Variants in BCL11B observed in about 807,000 individuals in gnomAD.
BCL11B encodes the protein B-cell lymphoma/leukemia 11B.
In BCL11B, 8 loss-of-function variants were observed where a neutral mutation model predicts 49.9. The ratio of observed to expected loss-of-function variants is 0.16; its 90% CI spans 0.09 to 0.29. The LOEUF is 0.29. Among genes scored for constraint, BCL11B ranks in the 10% least tolerant of loss-of-function variants. BCL11B has a pLI of 1.00. For missense variants in BCL11B, 1,006 were observed against 1,351.0 expected, an observed-to-expected ratio of 0.74 and a Z score of 4.00; for synonymous variants, 739 against 637.4, an observed-to-expected ratio of 1.16 and a Z score of -2.40.
chr14:99,255,929 G>T (rs1177068784), intron 2 of BCL11B, among the ~76,000 whole-genome samples: 1 of 152,222 alleles, frequency 6.6e-6, no homozygotes, highest in Non-Finnish European at 1.5e-5. Flanking sequence ...AGAAGGCAAG[G>T]CCCAGAGGCC....
intron 3 of BCL11B, among the ~76,000 whole-genome samples, chr14:99,210,084 T>C (rs1315553347): frequency 2.0e-5 from 3 of 152,038 alleles, no homozygotes; most frequent in African/African-American, 4.8e-5. Context: ...GGCAGCACGA[T>C]TGATTAGCAG....
intron 1 of BCL11B, among the ~76,000 whole-genome samples, chr14:99,259,332 A>G (rs1425098938): frequency 1.3e-5 from 2 of 152,180 alleles, no homozygotes; most frequent in Non-Finnish European, 2.9e-5. Context: ...TAAGGAAAAA[A>G]TTCTGTGGCA....
At position 99,175,230 on chromosome 14, in the gene BCL11B, C is replaced by T. The variant is rs1357267028; in HGVS notation, c.1606G>A (p.Glu536Lys). 1 of 1,549,802 alleles carries T rather than the reference C, an allele frequency of 6.5e-7. No homozygotes were observed. The highest frequency in any genetic ancestry group is 8.7e-7 in the Non-Finnish European group (1 of 1,150,456). Residue 536 changes from glutamate to lysine, a missense_variant, in exon 4 of 4, where the codon GAG becomes AAG. Glu to Lys is a moderately conservative substitution (Grantham distance 56). Coordinates refer to ENST00000357195, the MANE Select transcript of BCL11B (RefSeq NM_138576.4). ...AGCTCCTCCTCCTCCTCCTCCTCCT[C>T]CTCGTCCTCCTCCTCCGGCTCGTGG... ...LGHEPEEEDE[E>K]EEEEEEELLL...
chr14:99,219,464 G>C (rs1036940296), intron 3 of BCL11B, among the ~76,000 whole-genome samples: 1 of 152,088 alleles, frequency 6.6e-6, no homozygotes, highest in South Asian at 2.1e-4. Context: ...TTACCATCCC[G>C]ATATACAAAG....
intron 3 of BCL11B, among the ~76,000 whole-genome samples, chr14:99,226,481 G>A (rs1350517135): frequency 6.6e-6 from 1 of 152,196 alleles, no homozygotes; most frequent in Non-Finnish European, 1.5e-5. Context: ...GGGGCCTGGT[G>A]AGGCTACCAT....
In BCL11B at chr14:99,271,158, T is replaced by C; in HGVS notation, c.58+3A>G. The C allele has an allele frequency of 6.4e-7, 1 of 1,553,150 alleles. No homozygotes were observed. The highest frequency in any genetic ancestry group is 8.7e-7 in the Non-Finnish European group (1 of 1,155,438). On this transcript the variant is annotated splice_donor_region_variant and intron_variant, in intron 1 of 3. Transcript: ENST00000357195. The stretch of plus-strand genomic sequence containing the variant: ...CCCTCGCGCGCACTCCGCAGACACT[T>C]ACGGGTGATGAGCTCCCTCTGGGAC...
chr14:99,260,662 T>G lies in BCL11B; in HGVS notation c.59-2823A>C, dbSNP rs74685308. Among the ~76,000 whole-genome samples, 626 of 152,288 alleles carry G rather than the reference T, an allele frequency of 4.1e-3. 2 individuals carry two copies. Among genetic ancestry groups the G allele is most frequent in the Non-Finnish European group, 6.8e-3 (462 of 68,034 alleles). ...TTTCTCTCCTCTTTTTTTTATTTTTTTATTTTTGGTAACATCTGGTATTCT... is the reference window on the plus strand; with the variant it reads ...TTTCTCTCCTCTTTTTTTTATTTTTGTATTTTTGGTAACATCTGGTATTCT... On this transcript the variant is annotated intron_variant, in intron 1 of 3. Coordinates refer to ENST00000357195, the MANE Select transcript of BCL11B (RefSeq NM_138576.4).
chr14:99,246,321 C>T (rs1214711165), intron 2 of BCL11B, among the ~76,000 whole-genome samples: 2 of 152,230 alleles, frequency 1.3e-5, no homozygotes, highest in Non-Finnish European at 2.9e-5. Flanking sequence ...GGACCTTGAG[C>T]CCTCTCGGCC....
At chr14:99,182,177 G>A (rs1165129196) in intron 3 of BCL11B, among the ~76,000 whole-genome samples, 1 of 152,198 alleles carries the variant, frequency 6.6e-6, no homozygotes, top group African/African-American at 2.4e-5. Context: ...AACACTCACA[G>A]TGGTAACAAG....
intron 3 of BCL11B, among the ~76,000 whole-genome samples, chr14:99,178,794 TC>T (rs1300941216): frequency 5.9e-5 from 9 of 152,210 alleles, no homozygotes; most frequent in Non-Finnish European, 1.2e-4. Flanking sequence ...TAAAGATCGT[TC>T]CTGTACCCTG....
Position 99,257,324 on chromosome 14 carries a change from A to G in BCL11B, c.427+147T>C. Reference sequence around the variant, plus strand: ...CTCCTGAAGGTCACCTGGATGGTGGACCCTCAGAAAGGGGGAGCCCCGGCT... The same window carrying G: ...CTCCTGAAGGTCACCTGGATGGTGGGCCCTCAGAAAGGGGGAGCCCCGGCT... On this transcript the variant is annotated intron_variant, in intron 2 of 3. Transcript: ENST00000357195. This position sits in a 1 kb window ranked among gnomAD's most constrained non-coding sequence, Gnocchi z 6.2. 9.1e-7 allele frequency: 1 copy of G among 1,099,240 alleles called. No homozygotes were observed. The highest frequency in any genetic ancestry group is 1.2e-6 in the Non-Finnish European group (1 of 800,640). The allele number at this position is 1,099,240 out of a possible 1,614,324, so 68.1% of individuals were successfully genotyped here.
rs752989424 is a variant in BCL11B, at chr14:99,231,332, C to T, written c.640+13G>A. The T allele has an allele frequency of 6.2e-6, 10 of 1,607,902 alleles. No individual in the cohort carries two copies. The highest frequency in any genetic ancestry group is 2.2e-5 in the South Asian group (2 of 90,442). On this transcript the variant is annotated intron_variant, in intron 3 of 3. Coordinates refer to ENST00000357195, the MANE Select transcript of BCL11B (RefSeq NM_138576.4). This position sits in a 1 kb window ranked among gnomAD's most constrained non-coding sequence, Gnocchi z 8.1. ...CCCGGGGGCCCGCCCCCCACCGCGG[C>T]GTCGTCTGTTACCTGACAACTGACA... is the stretch of plus-strand genomic sequence containing the variant.
chr14:99,187,039 G>A (rs144706639), intron 3 of BCL11B, among the ~76,000 whole-genome samples: 6 of 152,214 alleles, frequency 3.9e-5, no homozygotes, highest in East Asian at 1.9e-4. Flanking sequence ...CCAGGCTGTC[G>A]GTGGAACAGG....
chr14:99,233,947 G>C (rs575796772), intron 2 of BCL11B, among the ~76,000 whole-genome samples: 3 of 152,188 alleles, frequency 2.0e-5, no homozygotes, highest in African/African-American at 7.2e-5. Context: ...GGGGCTCCCA[G>C]AGCACCTTCT....
rs757631918 is a variant in BCL11B at position 99,257,604 on chromosome 14, C to T, written c.294G>A (p.Pro98=). ...TGAGCTCGGAGCGTGAGGAGGGTGG[C>T]GGGCTGTCCTTGTCCAGGGCCTTGT... ...CYDKALDKDS[P]PPSSRSELRK... Residue 98 remains proline, a synonymous_variant, in exon 2 of 4, where the codon CCG becomes CCA. Transcript: ENST00000357195. The surrounding 1 kb of genome is among the most constrained non-coding windows in gnomAD (Gnocchi z 6.2). 18 of 1,613,938 alleles carry T rather than the reference C, an allele frequency of 1.1e-5. No homozygotes were observed. Among genetic ancestry groups the T allele is most frequent in the African/African-American group, 2.7e-5 (2 of 74,912 alleles).
intron 3 of BCL11B, among the ~76,000 whole-genome samples, chr14:99,208,379 G>GC (rs1375823858): frequency 1.3e-5 from 2 of 152,170 alleles, no homozygotes; most frequent in African/African-American, 2.4e-5. Flanking sequence ...ACAGAGGCCA[G>GC]CATCTTGGAG....
At chr14:99,224,654 G>T (rs1232085694) in intron 3 of BCL11B, among the ~76,000 whole-genome samples, 1 of 152,168 alleles carries the variant, frequency 6.6e-6, no homozygotes, top group African/African-American at 2.4e-5. Context: ...CTGGTCATGG[G>T]CTGTGGCCAC....
Position 99,172,609 on chromosome 14 carries a change from T to C in BCL11B, c.*1542A>G. ...CTGTCCTATAAATTATTATTTTATT[T>C]TGTTCTTTATAGTGCCAGTATTGTG... On this transcript the variant is annotated 3_prime_UTR_variant, in exon 4 of 4. Transcript: ENST00000357195. 1 of 211,360 alleles carries C rather than the reference T, an allele frequency of 4.7e-6. No homozygotes were observed. The highest frequency in any genetic ancestry group is 9.6e-6 in the Non-Finnish European group (1 of 103,990). The allele number at this position is 211,360 out of a possible 1,614,324, so 13.1% of individuals were successfully genotyped here.
intron 3 of BCL11B, among the ~76,000 whole-genome samples, chr14:99,203,713 T>C (rs1566808524): frequency 3.3e-5 from 5 of 152,154 alleles, no homozygotes. Context: ...GGCCAAGCTC[T>C]GTGCTGGACA....
Sources: gnomAD v4.1 joint callset for allele counts (sites outside exome capture counted in the v4.1 genomes callset) on GRCh38, gnomAD v4.1.1 for gene constraint, Gnocchi (gnomAD v3.1) non-coding constraint, MANE v1.5 for transcripts, NCBI Gene and HGNC (gene_info 2026-07-23, HGNC 2026-07-21) for gene names.